THTPA: variants seen among roughly 807,000 people sequenced by gnomAD.
THTPA encodes thiamine-triphosphatase.
Under a neutral mutation model 16.5 loss-of-function variants are expected in THTPA, and 16 were observed. The observed-to-expected ratio is 0.97, with a 90% confidence interval of 0.66 to 1.47. The LOEUF (loss-of-function observed/expected upper bound fraction) is 1.47. Ranked by LOEUF, THTPA falls within the 40% of genes most tolerant of loss-of-function variation. THTPA has a pLI of 0.00. For missense variants in THTPA, 281 were observed against 280.9 expected (o/e 1.00, Z 0.00); for synonymous variants, 110 against 115.5 (o/e 0.95, Z 0.30).
At chr14:23,534,371 C>T in the THTPA span, 6 of 1,536,768 alleles carry the variant, frequency 3.9e-6, no homozygotes, top group Non-Finnish European at 5.2e-6. The surrounding 1 kb of genome is among the most constrained non-coding windows in gnomAD (Gnocchi z 4.5). Context: ...TCTGTCTGGG[C>T]CACATTCGCC....
the THTPA span, chr14:23,526,491 C>T: frequency 6.5e-7 from 1 of 1,536,058 alleles, no homozygotes. Context: ...GTGGTCCCCT[C>T]TTCCTCCTCA....
the THTPA span, chr14:23,529,542 C>T: frequency 8.1e-4 from 560 of 690,226 alleles, 1 homozygote; most frequent in African/African-American, 9.2e-3. Context: ...GCTCTGCCCC[C>T]GAAAGTGCTG....
At chr14:23,527,091 T>A in the THTPA span, 2 of 1,375,036 alleles carry the variant, frequency 1.5e-6, no homozygotes, top group South Asian at 1.8e-5. Flanking sequence ...AGATCCAGCC[T>A]CCTGTCTGAA....
chr14:23,536,621 T>A, the THTPA span, among the ~76,000 whole-genome samples: 1 of 152,242 alleles, frequency 6.6e-6, no homozygotes, highest in Non-Finnish European at 1.5e-5. Context: ...TTTATGTTAA[T>A]CATCTCATTT....
At chr14:23,555,620 C>T (rs1358111822), upstream of THTPA, 2 of 152,220 alleles carry the variant, frequency 1.3e-5, no homozygotes, top group Non-Finnish European at 2.9e-5. Flanking sequence ...GGTATTAGAT[C>T]CCCTCTAAAA....
At chr14:23,536,835 G>A in the THTPA span, among the ~76,000 whole-genome samples, 1 of 152,140 alleles carries the variant, frequency 6.6e-6, no homozygotes, top group African/African-American at 2.4e-5. Context: ...AGACTCCAAA[G>A]GACTAGAAAT....
chr14:23,532,627 C>T, the THTPA span: 8 of 1,463,324 alleles, frequency 5.5e-6, no homozygotes, highest in Admixed American at 4.8e-5. Context: ...GCATCTTCTC[C>T]TTGCTGTTGG....
rs1475449896 is a variant in THTPA, at chr14:23,559,705, G to T, written c.*865G>T. On this transcript the variant is annotated 3_prime_UTR_variant, in exon 2 of 2. Transcript: ENST00000288014. ...AGGTTCGAAGCTGCTGGGGCCCCCT[G>T]GGGTTTGGGACACAGGAGAATTTCA... The T allele has an allele frequency of 6.3e-7, 1 of 1,598,178 alleles. No homozygotes were observed. The highest frequency in any genetic ancestry group is 1.1e-5 in the South Asian group (1 of 89,846).
the THTPA span, chr14:23,531,925 C>T: frequency 8.8e-5 from 49 of 557,968 alleles, no homozygotes; most frequent in Admixed American, 1.3e-4. Flanking sequence ...TACAGGCATG[C>T]GCACCACACC....
At chr14:23,524,753 C>T in the THTPA span, 3 of 1,536,426 alleles carry the variant, frequency 2.0e-6, no homozygotes, top group South Asian at 1.2e-5. The surrounding 1 kb of genome is among the most constrained non-coding windows in gnomAD (Gnocchi z 5.6). Flanking sequence ...GCCCTCAGGC[C>T]CTGCTGGAGG....
At chr14:23,523,307 A>T in the THTPA span, 1 of 1,448,966 alleles carries the variant, frequency 6.9e-7, no homozygotes, top group African/African-American at 1.4e-5. The surrounding 1 kb of genome is among the most constrained non-coding windows in gnomAD (Gnocchi z 4.1). Flanking sequence ...CCCGAGGGGC[A>T]TGGAGGCAGG....
the THTPA span, among the ~76,000 whole-genome samples, chr14:23,535,653 C>T: frequency 2.4e-4 from 36 of 151,966 alleles, no homozygotes; most frequent in African/African-American, 8.2e-4. This position sits in a 1 kb window ranked among gnomAD's most constrained non-coding sequence, Gnocchi z 4.5. Flanking sequence ...AGTGCAATGG[C>T]GTGATCTCGG....
At chr14:23,534,721 T>G in the THTPA span, 1 of 1,536,132 alleles carries the variant, frequency 6.5e-7, no homozygotes, top group Admixed American at 2.0e-5. This position sits in a 1 kb window ranked among gnomAD's most constrained non-coding sequence, Gnocchi z 4.5. Flanking sequence ...TCCATGCCTT[T>G]CCTCACAGGC....
chr14:23,521,895 C>T, the THTPA span: 113 of 1,521,576 alleles, frequency 7.4e-5, no homozygotes, highest in Non-Finnish European at 9.7e-5. Context: ...GAGCTCCCAC[C>T]GAACACCCCT....
In THTPA at chr14:23,559,681, G is replaced by T; in HGVS notation, c.*841G>T. On this transcript the variant is annotated 3_prime_UTR_variant, in exon 2 of 2. Coordinates refer to ENST00000288014, the MANE Select transcript of THTPA (RefSeq NM_024328.6). ...CACCTGCTGGTAGCCCTCAGGTGTA[G>T]GTTCGAAGCTGCTGGGGCCCCCTGG... The T allele has an allele frequency of 3.5e-6, 5 of 1,448,238 alleles. No homozygotes were observed. Among genetic ancestry groups the T allele is most frequent in the Non-Finnish European group, 4.8e-6 (5 of 1,039,940 alleles). 89.7% of individuals were successfully genotyped at this position (1,448,238 alleles called of 1,614,324 possible). A position where few individuals can be genotyped will look rare whatever the true frequency, so the allele number is the denominator to read the frequency against.
the THTPA span, chr14:23,525,896 G>A: frequency 1.4e-6 from 2 of 1,460,820 alleles, no homozygotes; most frequent in Non-Finnish European, 1.8e-6. The surrounding 1 kb of genome is among the most constrained non-coding windows in gnomAD (Gnocchi z 5.9). Context: ...GGGCACCAGA[G>A]GGAAGGGGGG....
chr14:23,531,369 G>A, the THTPA span: 3 of 1,304,458 alleles, frequency 2.3e-6, no homozygotes, highest in East Asian at 2.9e-5. Flanking sequence ...AGTATAGGTG[G>A]CCTACAGGCC....
chr14:23,533,000 G>C, the THTPA span: 1 of 1,536,186 alleles, frequency 6.5e-7, no homozygotes, highest in South Asian at 1.2e-5. Context: ...GTCGTCTGGG[G>C]GTGGTGAGGT....
chr14:23,534,394 G>A, the THTPA span: 6 of 1,536,870 alleles, frequency 3.9e-6, no homozygotes, highest in Admixed American at 1.2e-4. The surrounding 1 kb of genome is among the most constrained non-coding windows in gnomAD (Gnocchi z 4.5). Flanking sequence ...CATGTTCACT[G>A]TGCTGCTGTT....
Sources: allele counts gnomAD v4.1 joint callset (sites outside exome capture counted in the v4.1 genomes callset), GRCh38; gene constraint gnomAD v4.1.1; non-coding constraint Gnocchi (gnomAD v3.1); transcripts MANE v1.5; gene names NCBI Gene and HGNC (gene_info 2026-07-23, HGNC 2026-07-21).